Variants in CYRIB observed in about 807,000 individuals in gnomAD.
CYRIB encodes CYFIP related Rac1 interactor B.
A neutral mutation model predicts 44.2 loss-of-function variants in CYRIB; 8 were observed. The observed-to-expected ratio is 0.18, with a 90% CI of 0.11 to 0.33. The LOEUF (loss-of-function observed/expected upper bound fraction) is 0.33. Ranked by LOEUF, CYRIB falls within the 10% of genes least tolerant of loss-of-function variation. The pLI, the probability that CYRIB is intolerant of heterozygous loss-of-function variation, is 1.00. For synonymous variants in CYRIB, 131 were observed against 127.2 expected (o/e 1.03, Z -0.20); for missense variants, 185 against 382.8 (o/e 0.48, Z 4.31).
intron 1 of CYRIB, among the ~76,000 whole-genome samples, chr8:129,933,576 G>A (rs985166586): frequency 2.6e-5 from 4 of 152,150 alleles, no homozygotes; most frequent in African/African-American, 9.7e-5. Flanking sequence ...ACATCATAAT[G>A]TATAGTAAGA....
intron 1 of CYRIB, among the ~76,000 whole-genome samples, chr8:130,008,729 G>A (rs1243130068): frequency 6.6e-6 from 1 of 152,210 alleles, no homozygotes; most frequent in Non-Finnish European, 1.5e-5. Context: ...TCTTTCATTT[G>A]CAAGCCTGTT....
intron 2 of CYRIB, among the ~76,000 whole-genome samples, chr8:129,892,768 C>T (rs1234531093): frequency 3.9e-5 from 6 of 152,078 alleles, no homozygotes; most frequent in Admixed American, 2.6e-4. Flanking sequence ...TAATACTGTG[C>T]AAACAAATTA....
At chr8:130,008,600 G>T (rs1016586682) in intron 1 of CYRIB, 2 of 153,620 alleles carry the variant, frequency 1.3e-5, no homozygotes, top group African/African-American at 4.8e-5. Flanking sequence ...TTCTGTTGTT[G>T]AATGGCAGGA....
At chr8:130,012,504 G>A (rs903376623) in intron 1 of CYRIB, among the ~76,000 whole-genome samples, 1 of 145,724 alleles carries the variant, frequency 6.9e-6, no homozygotes, top group Non-Finnish European at 1.5e-5. Flanking sequence ...ACCAGGGGCT[G>A]AGGGAAGAAA....
At position 129,947,060 on chromosome 8, in the gene CYRIB, A is replaced by AT. The variant is rs910892191; in HGVS notation, c.-243+23882dup. On this transcript the variant is annotated intron_variant, in intron 2 of 14. Coordinates refer to the CYRIB transcript ENST00000401979. ...ATCACAAACTCTAATTCTTTTATTT[A>AT]TTTATTTTTTTTTTTGAGACAGAAT... 1.9e-4 allele frequency among the ~76,000 whole-genome samples: 25 copies of AT among 133,888 alleles called. No individual in the cohort carries two copies. The South Asian group carries it at 2.8e-3, about 15-fold the overall frequency. 87.8% of individuals were successfully genotyped at this position (133,888 alleles called of 152,430 possible).
intron 3 of CYRIB, among the ~76,000 whole-genome samples, 193 bp downstream of exon 5, chr8:129,879,196 C>T (rs1235105500): frequency 6.6e-6 from 1 of 152,152 alleles, no homozygotes; most frequent in Non-Finnish European, 1.5e-5. Context: ...AACTCAAAGA[C>T]ATTTTATCAT....
chr8:129,853,638 T>C (rs1229238874), intron 7 of CYRIB, among the ~76,000 whole-genome samples: 3 of 152,214 alleles, frequency 2.0e-5, no homozygotes, highest in Non-Finnish European at 2.9e-5. Flanking sequence ...GTTTTACTTA[T>C]GGTATTTAGT....
chr8:129,942,788 T>A (rs1357073731), upstream of CYRIB, among the ~76,000 whole-genome samples: 1 of 152,240 alleles, frequency 6.6e-6, no homozygotes, highest in Non-Finnish European at 1.5e-5. Context: ...CTTCTTTTGC[T>A]TTTTCACAGC....
At chr8:129,919,506 A>T (rs2082435704) in intron 1 of CYRIB, among the ~76,000 whole-genome samples, 1 of 152,148 alleles carries the variant, frequency 6.6e-6, no homozygotes, top group Non-Finnish European at 1.5e-5. Flanking sequence ...AATACAGTAC[A>T]ATTAAATAAA....
intron 1 of CYRIB, among the ~76,000 whole-genome samples, chr8:129,984,977 T>A (rs1332672583): frequency 6.6e-6 from 1 of 152,174 alleles, no homozygotes; most frequent in Non-Finnish European, 1.5e-5. Context: ...TTTCTCCATG[T>A]TGAGGCTGGT....
At chr8:129,913,173 G>A (rs933693339) in intron 1 of CYRIB, among the ~76,000 whole-genome samples, 15 of 151,782 alleles carry the variant, frequency 9.9e-5, no homozygotes, top group Admixed American at 3.9e-4. Context: ...GGGTTTCACC[G>A]TGTTAGCCAG....
chr8:129,927,012 G>T (rs919831331), intron 1 of CYRIB, among the ~76,000 whole-genome samples: 1 of 152,216 alleles, frequency 6.6e-6, no homozygotes, highest in East Asian at 1.9e-4. Context: ...GTCAAGTGGA[G>T]TGGCTCATGC....
chr8:129,890,765 T>A (rs532713148), intron 2 of CYRIB: 1 of 152,224 alleles, frequency 6.6e-6, no homozygotes, highest in Non-Finnish European at 1.5e-5. Flanking sequence ...TGGTGGCACG[T>A]ACCTGTAGTC....
intron 1 of CYRIB, among the ~76,000 whole-genome samples, chr8:129,984,144 T>C (rs1005973907): frequency 2.0e-5 from 3 of 152,186 alleles, no homozygotes; most frequent in Admixed American, 6.5e-5. Context: ...GGAGAAGCAC[T>C]ATTTAGGGCT....
At chr8:130,009,288 A>C (rs552932037) in intron 1 of CYRIB, among the ~76,000 whole-genome samples, 4 of 148,452 alleles carry the variant, frequency 2.7e-5, no homozygotes, top group African/African-American at 1.0e-4. Flanking sequence ...TTTTTTTGAG[A>C]CAGAGTTTCC....
At chr8:129,966,064 G>C in intron 2 of CYRIB, among the ~76,000 whole-genome samples, 1 of 152,052 alleles carries the variant, frequency 6.6e-6, no homozygotes, top group East Asian at 1.9e-4. Context: ...TACCATGTTG[G>C]TCAGGCTGGT....
upstream of CYRIB, among the ~76,000 whole-genome samples, chr8:129,942,754 A>C (rs370298970): frequency 9.2e-5 from 14 of 152,338 alleles, no homozygotes; most frequent in African/African-American, 3.4e-4. Flanking sequence ...CACTGTACTA[A>C]GCTCTACGCT....
intron 2 of CYRIB, among the ~76,000 whole-genome samples, chr8:129,957,287 G>A (rs990819478): frequency 2.0e-5 from 3 of 152,194 alleles, no homozygotes; most frequent in Admixed American, 1.3e-4. Context: ...TGACACCAAT[G>A]TGGACAGACT....
intron 3 of CYRIB, among the ~76,000 whole-genome samples, chr8:129,875,844 T>C (rs1588236362): frequency 6.6e-6 from 1 of 152,134 alleles, no homozygotes; most frequent in East Asian, 1.9e-4. Flanking sequence ...CCAGGTGTGG[T>C]GGCCCACACC....
Sources: allele counts gnomAD v4.1 joint callset (sites outside exome capture counted in the v4.1 genomes callset), GRCh38; gene constraint gnomAD v4.1.1; transcripts MANE v1.5; gene names NCBI Gene and HGNC (gene_info 2026-07-23, HGNC 2026-07-21).